Variants in PRKCE observed in about 807,000 individuals in gnomAD.
PRKCE encodes the protein protein kinase C epsilon type.
A neutral mutation model predicts 85.4 loss-of-function variants in PRKCE; 16 were observed. The ratio of observed to expected loss-of-function variants is 0.19; its 90% confidence interval spans 0.13 to 0.28. The LOEUF (loss-of-function observed/expected upper bound fraction) is 0.28. PRKCE is among the 10% of genes least tolerant of loss of function. PRKCE has a pLI of 1.00. For synonymous variants in PRKCE, 388 were observed against 371.5 expected, an observed-to-expected ratio of 1.04 and a Z score of -0.51; for missense variants, 573 against 975.2, an observed-to-expected ratio of 0.59 and a Z score of 5.49.
chr2:45,760,292 G>T (rs141926680), intron 1 of PRKCE, among the ~76,000 whole-genome samples: 1 of 152,240 alleles, frequency 6.6e-6, no homozygotes, highest in East Asian at 1.9e-4. Context: ...AAAGAAAGTG[G>T]CTAGTATGGT....
intron 1 of PRKCE, among the ~76,000 whole-genome samples, chr2:45,800,278 C>T (rs12617104): frequency 1.3e-5 from 2 of 152,084 alleles, no homozygotes; most frequent in Admixed American, 6.5e-5. Flanking sequence ...AAGGACTGAA[C>T]GGGAAAGGCT....
intron 1 of PRKCE, among the ~76,000 whole-genome samples, chr2:45,696,730 T>C (rs1304503759): frequency 6.6e-6 from 1 of 152,232 alleles, no homozygotes; most frequent in Admixed American, 6.5e-5. Context: ...CATGGGAAGT[T>C]GAGAATGCTG....
At chr2:45,808,843 T>C (rs74614755) in intron 1 of PRKCE, among the ~76,000 whole-genome samples, 2,556 of 152,284 alleles carry the variant, frequency 0.017, 85 homozygotes, top group African/African-American at 0.06. Flanking sequence ...TGCTGGTTCC[T>C]CTTATTCCTA....
intron 6 of PRKCE, among the ~76,000 whole-genome samples, chr2:45,995,368 CT>C (rs1194054164): frequency 2.6e-5 from 4 of 151,936 alleles, no homozygotes; most frequent in Admixed American, 2.6e-4. Context: ...CTTATCAGCT[CT>C]TTTTTTCATG....
At chr2:45,987,742 C>G (rs1257729360) in intron 6 of PRKCE, among the ~76,000 whole-genome samples, 1 of 152,216 alleles carries the variant, frequency 6.6e-6, no homozygotes, top group Non-Finnish European at 1.5e-5. Context: ...ATGGACAGTG[C>G]TCGTTATCTA....
At chr2:46,117,299 A>G (rs1035677066) in intron 11 of PRKCE, among the ~76,000 whole-genome samples, 4 of 152,228 alleles carry the variant, frequency 2.6e-5, no homozygotes, top group Non-Finnish European at 5.9e-5. Context: ...CATTGAATAC[A>G]TCTACATGCC....
intron 1 of PRKCE, chr2:45,700,570 G>C (rs568478569): frequency 4.6e-5 from 7 of 152,176 alleles, no homozygotes; most frequent in African/African-American, 1.7e-4. Context: ...CTTGACTGAG[G>C]ATCATCTAGG....
At chr2:45,916,805 G>A (rs1450573017) in intron 2 of PRKCE, among the ~76,000 whole-genome samples, 2 of 152,138 alleles carry the variant, frequency 1.3e-5, no homozygotes, top group East Asian at 1.9e-4. Context: ...ATGAAGCCGT[G>A]GACCCTCACG....
intron 11 of PRKCE, among the ~76,000 whole-genome samples, chr2:46,117,013 G>A (rs1662026136): frequency 6.6e-6 from 1 of 152,174 alleles, no homozygotes; most frequent in African/African-American, 2.4e-5. Context: ...ATGACACAGA[G>A]GATTTTAGTT....
At chr2:46,062,109 G>T (rs1044173560) in intron 10 of PRKCE, among the ~76,000 whole-genome samples, 1 of 152,014 alleles carries the variant, frequency 6.6e-6, no homozygotes, top group African/African-American at 2.4e-5. Context: ...TGATCCACCT[G>T]CTTCAGCCTC....
intron 2 of PRKCE, among the ~76,000 whole-genome samples, chr2:45,870,064 G>C (rs1275306337): frequency 6.6e-6 from 1 of 152,054 alleles, no homozygotes; most frequent in Non-Finnish European, 1.5e-5. Flanking sequence ...CTCCTTCCTG[G>C]CCTGCAGTGT....
At chr2:45,843,172 T>C (rs1691501157) in intron 2 of PRKCE, 109 bp downstream of exon 2, 2 of 953,990 alleles carry the variant, frequency 2.1e-6, no homozygotes, top group East Asian at 2.4e-5. Context: ...ATTTAATTAA[T>C]TGGCATCCTT....
intron 11 of PRKCE, among the ~76,000 whole-genome samples, chr2:46,123,956 AG>A (rs1413552963): frequency 8.5e-5 from 13 of 152,254 alleles, no homozygotes; most frequent in Non-Finnish European, 1.5e-5. Context: ...GCTGAGTGCC[AG>A]CAGTTGGCAT....
intron 2 of PRKCE, among the ~76,000 whole-genome samples, chr2:45,904,214 C>A (rs1696800304): frequency 1.3e-5 from 2 of 152,190 alleles, no homozygotes; most frequent in South Asian, 4.2e-4. Context: ...ACTAAAAAAG[C>A]TTTTCAGCTT....
rs1680532782 is a variant in PRKCE, at chr2:46,187,526, C to A, written c.*2645C>A. The stretch of plus-strand genomic sequence containing the variant: ...AACACTTCTGCCAGTTTTTTCTGAT[C>A]TTTCCAGCCCCACCCCCTTTCTCTT... On this transcript the variant is annotated 3_prime_UTR_variant, in exon 15 of 15. Transcript: ENST00000306156. 6.6e-6 allele frequency: 1 copy of A among 152,226 alleles called. No individual in the cohort carries two copies. 9.4% of individuals were successfully genotyped at this position (152,226 alleles called of 1,614,324 possible).
chr2:46,143,539 A>C (rs867120162), intron 11 of PRKCE, among the ~76,000 whole-genome samples: 1 of 152,258 alleles, frequency 6.6e-6, no homozygotes, highest in Admixed American at 6.5e-5. Flanking sequence ...GGAGCGTGTC[A>C]TTCTGATTCA....
At chr2:45,993,786 G>C (rs1214553354) in intron 6 of PRKCE, among the ~76,000 whole-genome samples, 1 of 152,220 alleles carries the variant, frequency 6.6e-6, no homozygotes, top group Non-Finnish European at 1.5e-5. Flanking sequence ...AGTGGGGACA[G>C]AATTCTGGGC....
intron 11 of PRKCE, among the ~76,000 whole-genome samples, chr2:46,096,202 G>A (rs748753091): frequency 5.9e-5 from 9 of 152,210 alleles, no homozygotes; most frequent in Non-Finnish European, 1.3e-4. Flanking sequence ...TAAACTGTTT[G>A]AAATGCAGTT....
chr2:45,785,267 G>A (rs1026755362), intron 1 of PRKCE, among the ~76,000 whole-genome samples: 2 of 152,208 alleles, frequency 1.3e-5, no homozygotes, highest in African/African-American at 4.8e-5. Flanking sequence ...GAGGCGGGCA[G>A]ATCACTTGAG....
Sources: allele counts gnomAD v4.1 joint callset (sites outside exome capture counted in the v4.1 genomes callset), GRCh38; gene constraint gnomAD v4.1.1; transcripts MANE v1.5; gene names NCBI Gene and HGNC (gene_info 2026-07-23, HGNC 2026-07-21).